The following PTPRB variants were observed in gnomAD, a reference collection of about 807,000 sequenced individuals.
PTPRB encodes receptor-type tyrosine-protein phosphatase beta.
PTPRB carries 97 observed loss-of-function variants against 238.1 expected under a neutral mutation model. That is an observed-to-expected ratio of 0.41 (90% CI 0.35 to 0.48). PTPRB has a LOEUF of 0.48. Among genes scored for constraint, PTPRB ranks in the 20% least tolerant of loss-of-function variants. PTPRB has a pLI of 0.30. For synonymous variants in PTPRB, 970 were observed against 995.4 expected, an observed-to-expected ratio of 0.97 and a Z score of 0.48; for missense variants, 2,292 against 2,681.9, an observed-to-expected ratio of 0.85 and a Z score of 3.21.
At chr12:70,621,437 G>A (rs1415601474) in intron 3 of PTPRB, among the ~76,000 whole-genome samples, 1 of 152,166 alleles carries the variant, frequency 6.6e-6, no homozygotes, top group Admixed American at 6.5e-5. Flanking sequence ...GAAAAGTAAT[G>A]GGGCTTTTCT....
At chr12:70,535,002 C>A in intron 29 of PTPRB, 47 bp from the exon 30 acceptor site, 1 of 1,575,148 alleles carries the variant, frequency 6.3e-7, no homozygotes, top group Non-Finnish European at 8.6e-7. Flanking sequence ...AAAGTGACTC[C>A]TTGGTGAACC....
At chr12:70,559,131 T>C (rs1282644070) in intron 18 of PTPRB, 4 of 615,828 alleles carry the variant, frequency 6.5e-6, no homozygotes, top group Admixed American at 2.9e-5. Context: ...TCCTACCTAA[T>C]TGTAAGCCCC....
Position 70,538,927 on chromosome 12 carries a change from G to A in PTPRB, c.5866C>T (p.Pro1956Ser). 2 of 1,611,034 alleles carry A rather than the reference G, an allele frequency of 1.2e-6. No homozygotes were observed. Among genetic ancestry groups the A allele is most frequent in the Non-Finnish European group, 1.7e-6 (2 of 1,177,986 alleles). The part of the protein sequence containing the change: ...RGKNRYNNIL[P>S]YDATRVKLSN... ...CAAATTTTGACACAAAACTTACAGG[G>A]CAATATATTGTTGTATCGATTTTTC... The change falls in exon 27 of 34, where the codon CCC becomes TCC. Residue 1956 changes from proline to serine, a missense_variant. Transcript: ENST00000334414.
intron 2 of PTPRB, among the ~76,000 whole-genome samples, chr12:70,631,742 A>G (rs1566027292): frequency 6.6e-6 from 1 of 152,176 alleles, no homozygotes; most frequent in Non-Finnish European, 1.5e-5. Context: ...AGAAAAAAAC[A>G]AACAACCCCA....
chr12:70,547,271 G>C (rs1876128196), intron 21 of PTPRB, among the ~76,000 whole-genome samples: 1 of 152,096 alleles, frequency 6.6e-6, no homozygotes, highest in African/African-American at 2.4e-5. Context: ...ATAACAGCCT[G>C]TTAATGGAAG....
chr12:70,519,599 TAG>T lies in PTPRB; in HGVS notation c.*1888_*1889del, dbSNP rs1871459103. 6.6e-6 allele frequency: 1 copy of T among 152,270 alleles called. No individual in the cohort carries two copies. Among genetic ancestry groups the T allele is most frequent in the Non-Finnish European group, 1.5e-5 (1 of 68,066 alleles). The allele number at this position is 152,270 out of a possible 1,614,324, so 9.4% of individuals were successfully genotyped here. Reference sequence around the variant, plus strand: ...TAATGTGCTTTGCATCAAGCAACATTAGTGTAAAATTCTGCTTTTTCTCTTTT... The same window carrying T: ...TAATGTGCTTTGCATCAAGCAACATTTGTAAAATTCTGCTTTTTCTCTTTT... On this transcript the variant is annotated 3_prime_UTR_variant, in exon 34 of 34. Transcript: ENST00000334414.
At chr12:70,584,582 G>C (rs191852057) in intron 9 of PTPRB, among the ~76,000 whole-genome samples, 14 of 152,180 alleles carry the variant, frequency 9.2e-5, no homozygotes, top group African/African-American at 3.4e-4. Context: ...AGAAAGACTA[G>C]AATAATATCT....
chr12:70,602,390 T>C (rs552488830), intron 4 of PTPRB, among the ~76,000 whole-genome samples: 1 of 152,212 alleles, frequency 6.6e-6, no homozygotes, highest in Non-Finnish European at 1.5e-5. Context: ...GCTTTTTCAA[T>C]ATTATCTAAA....
intron 13 of PTPRB, among the ~76,000 whole-genome samples, chr12:70,570,487 C>T (rs1879899866): frequency 6.6e-6 from 1 of 151,992 alleles, no homozygotes; most frequent in East Asian, 1.9e-4. Flanking sequence ...GCTGGGACTA[C>T]AGGCACGTAA....
intron 6 of PTPRB, among the ~76,000 whole-genome samples, chr12:70,593,086 CTACTT>C (rs1882650526): frequency 6.6e-6 from 1 of 152,198 alleles, no homozygotes; most frequent in Admixed American, 6.5e-5. Flanking sequence ...TGTGATAAAA[CTACTT>C]TAATTTTTAT....
intron 3 of PTPRB, among the ~76,000 whole-genome samples, chr12:70,611,584 G>A (rs951258833): frequency 6.6e-6 from 1 of 152,190 alleles, no homozygotes; most frequent in African/African-American, 2.4e-5. Flanking sequence ...ACAGGCGTGT[G>A]CCACCGTGCC....
At position 70,593,704 on chromosome 12, in the gene PTPRB, A is replaced by G. The variant is rs1171453881; in HGVS notation, c.1516+763T>C. 3.3e-5 allele frequency among the ~76,000 whole-genome samples: 5 copies of G among 152,098 alleles called. No individual in the cohort carries two copies. The East Asian group carries it at 7.7e-4, about 23-fold the overall frequency. ...TATGTAAATGTACCGGTGTCCTCAA[A>G]TATCTTTCCCACCAGCCTCCCATAG... On this transcript the variant is annotated intron_variant, in intron 6 of 33. Coordinates refer to ENST00000334414, the MANE Select transcript of PTPRB (RefSeq NM_001109754.4).
chr12:70,547,449 G>A (rs141756620), intron 21 of PTPRB, among the ~76,000 whole-genome samples: 101 of 151,672 alleles, frequency 6.7e-4, no homozygotes, highest in Non-Finnish European at 1.1e-3. Flanking sequence ...GAAATTCAGT[G>A]TCTCTCTGAT....
At position 70,540,920 on chromosome 12, in the gene PTPRB, A is replaced by T. The variant is rs752703644; in HGVS notation, c.5532T>A (p.Gly1844=). The T allele has an allele frequency of 5.0e-6, 8 of 1,607,374 alleles. No homozygotes were observed. The Admixed American group carries it at 1.4e-4, about 27-fold the overall frequency. ...CCACTAGCATGCCAATTAAAAACAG[A>T]CCAGCACTCACACCTTCAATAGCTC... The part of the protein sequence containing the change: ...LFGAIEGVSA[G]LFLIGMLVAV... The change falls in exon 23 of 34, where the codon GGT becomes GGA. Residue 1844 remains glycine, a synonymous_variant. Coordinates refer to ENST00000334414, the MANE Select transcript of PTPRB (RefSeq NM_001109754.4).
chr12:70,591,434 T>A (rs1882479622), intron 7 of PTPRB, among the ~76,000 whole-genome samples: 1 of 149,644 alleles, frequency 6.7e-6, no homozygotes, highest in South Asian at 2.1e-4. Context: ...ATTATCTGTA[T>A]AATGGTAATA....
At chr12:70,616,266 A>G (rs1385226829) in intron 3 of PTPRB, among the ~76,000 whole-genome samples, 1 of 152,134 alleles carries the variant, frequency 6.6e-6, no homozygotes, top group Non-Finnish European at 1.5e-5. Context: ...TTAATGTGGA[A>G]CAATTCCTCA....
chr12:70,567,201 A>T (rs1879413940), intron 14 of PTPRB, among the ~76,000 whole-genome samples: 1 of 152,176 alleles, frequency 6.6e-6, no homozygotes, highest in African/African-American at 2.4e-5. Flanking sequence ...TTGTTATTAT[A>T]ATAATATTTT....
In PTPRB at chr12:70,571,249, G is replaced by A. The variant is rs771809698; in HGVS notation, c.3147C>T (p.Ser1049=). The change falls in exon 13 of 34, where the codon AGC becomes AGT. Residue 1049 remains serine, a synonymous_variant. Coordinates refer to ENST00000334414, the MANE Select transcript of PTPRB (RefSeq NM_001109754.4). The stretch of plus-strand genomic sequence containing the variant: ...ACCAAGTCACATGCAAGTCCTCAGT[G>A]CTCCTGTTGCGCAATGTTAGATCCT... The part of the protein sequence containing the change: ...PVKDLTLRNR[S]TEDLHVTWSG... The A allele has an allele frequency of 6.8e-6, 11 of 1,609,790 alleles. No homozygotes were observed. In the South Asian group the frequency reaches 1.2e-4, roughly 18 times the overall value.
intron 3 of PTPRB, among the ~76,000 whole-genome samples, chr12:70,611,646 G>GA (rs1192605066): frequency 6.6e-6 from 1 of 151,934 alleles, no homozygotes; most frequent in African/African-American, 2.4e-5. Context: ...ACCTCTTAAT[G>GA]AAAAAACGAA....
Sources: allele counts gnomAD v4.1 joint callset (sites outside exome capture counted in the v4.1 genomes callset), GRCh38; gene constraint gnomAD v4.1.1; transcripts MANE v1.5; gene names NCBI Gene and HGNC (gene_info 2026-07-23, HGNC 2026-07-21).